The following PLD1 variants were observed in gnomAD, a reference collection of about 807,000 sequenced individuals.
PLD1 encodes the protein phospholipase D1.
PLD1 carries 112 observed loss-of-function variants against 137.1 expected under a neutral mutation model. That is an observed-to-expected ratio of 0.82 (90% CI 0.70 to 0.96). The LOEUF (loss-of-function observed/expected upper bound fraction) is 0.96, where lower values mean the gene tolerates loss of function less well. Among genes scored for constraint, PLD1 ranks in the 40% least tolerant of loss-of-function variants. The pLI is 0.00. For synonymous variants in PLD1, 431 were observed against 454.7 expected, an observed-to-expected ratio of 0.95 and a Z score of 0.66; for missense variants, 1,321 against 1,342.0, an observed-to-expected ratio of 0.98 and a Z score of 0.24.
intron 25 of PLD1, among the ~76,000 whole-genome samples, chr3:171,606,940 G>A (rs1732253419): frequency 6.6e-6 from 1 of 152,124 alleles, no homozygotes; most frequent in Non-Finnish European, 1.5e-5. Context: ...AAGAAAGGCT[G>A]TACCAAAACA....
intron 1 of PLD1, among the ~76,000 whole-genome samples, chr3:171,750,933 A>G (rs963753096): frequency 6.6e-6 from 1 of 152,214 alleles, no homozygotes; most frequent in Non-Finnish European, 1.5e-5. Flanking sequence ...CGAACCTGAA[A>G]GAAATAAAAT....
chr3:171,644,767 C>G, intron 22 of PLD1, 143 bp downstream of exon 22: 1 of 613,106 alleles, frequency 1.6e-6, no homozygotes, highest in Non-Finnish European at 3.0e-6. Context: ...AACTAGCAAA[C>G]GGGCCAAGAT....
At chr3:171,757,787 T>C (rs370513056) in intron 1 of PLD1, among the ~76,000 whole-genome samples, 11 of 152,332 alleles carry the variant, frequency 7.2e-5, no homozygotes, top group African/African-American at 2.6e-4. Flanking sequence ...GATACCTCGC[T>C]CAAACACAGG....
At chr3:171,762,979 GATTCTA>G (rs1288844866) in intron 1 of PLD1, among the ~76,000 whole-genome samples, 1 of 152,114 alleles carries the variant, frequency 6.6e-6, no homozygotes, top group Non-Finnish European at 1.5e-5. Context: ...AGTCATTTTG[GATTCTA>G]ATTCTAACTT....
intron 23 of PLD1, among the ~76,000 whole-genome samples, chr3:171,641,202 T>C (rs1301681584): frequency 6.6e-6 from 1 of 152,212 alleles, no homozygotes; most frequent in South Asian, 2.1e-4. Flanking sequence ...GATGGGTATA[T>C]GGCAAGTTAA....
chr3:171,750,589 C>T (rs973300126), intron 1 of PLD1, among the ~76,000 whole-genome samples: 7 of 151,856 alleles, frequency 4.6e-5, no homozygotes, highest in Non-Finnish European at 7.4e-5. Context: ...AAAATTACAC[C>T]GAGGTACATT....
chr3:171,653,454 A>G (rs780250695), intron 21 of PLD1: 2 of 152,216 alleles, frequency 1.3e-5, no homozygotes, highest in Non-Finnish European at 2.9e-5. Flanking sequence ...GATTCCCAGG[A>G]AGAGTCAGCT....
At chr3:171,762,782 G>C (rs928985777) in intron 1 of PLD1, among the ~76,000 whole-genome samples, 3 of 152,172 alleles carry the variant, frequency 2.0e-5, no homozygotes, top group South Asian at 2.1e-4. Flanking sequence ...ATATCTGAAG[G>C]ACTAGCAGAT....
chr3:171,723,159 C>T (rs1366465282), intron 8 of PLD1, among the ~76,000 whole-genome samples: 2 of 152,078 alleles, frequency 1.3e-5, no homozygotes, highest in Non-Finnish European at 2.9e-5. Flanking sequence ...CCTTTCCCAG[C>T]CTCTGATAAA....
At chr3:171,689,427 T>C (rs1243620047) in intron 13 of PLD1, among the ~76,000 whole-genome samples, 1 of 152,220 alleles carries the variant, frequency 6.6e-6, no homozygotes, top group African/African-American at 2.4e-5. Context: ...TATTTTCATT[T>C]ACCTTTAGGT....
rs202163040 is a variant in PLD1 at position 171,733,420 on chromosome 3, C to T, written c.606+24G>A. The T allele has an allele frequency of 2.6e-5, 25 of 947,160 alleles. No homozygotes were observed. In the East Asian group the frequency reaches 5.8e-4, roughly 22 times the overall value. 58.7% of individuals were successfully genotyped at this position (947,160 alleles called of 1,614,324 possible). A position where few individuals can be genotyped will look rare whatever the true frequency, so the allele number is the denominator to read the frequency against. On this transcript the variant is annotated intron_variant, in intron 6 of 26. Transcript: ENST00000351298. ...TTACTATAGTGAAAATTACTCCAAA[C>T]TTAAATCACTGACTAGTACTTACTG...
At chr3:171,691,769 GC>G (rs1715181770) in intron 13 of PLD1, among the ~76,000 whole-genome samples, 1 of 152,080 alleles carries the variant, frequency 6.6e-6, no homozygotes, top group Admixed American at 6.6e-5. Context: ...CATATTTTAA[GC>G]CTGCTGGAGG....
chr3:171,710,031 G>A (rs1310230482), intron 9 of PLD1, among the ~76,000 whole-genome samples: 1 of 152,096 alleles, frequency 6.6e-6, no homozygotes, highest in Admixed American at 6.6e-5. Flanking sequence ...TTAGAGAGCT[G>A]TTGGCTCCCG....
intron 20 of PLD1, 66 bp from the exon 21 acceptor site, chr3:171,659,367 A>C: frequency 1.0e-6 from 1 of 981,392 alleles, no homozygotes; most frequent in South Asian, 1.3e-5. Context: ...TAAGAACAAT[A>C]CTGTAATATA....
intron 1 of PLD1, among the ~76,000 whole-genome samples, chr3:171,777,773 C>A (rs1173721282): frequency 1.3e-5 from 2 of 152,156 alleles, no homozygotes; most frequent in Non-Finnish European, 2.9e-5. Flanking sequence ...CTCTACAAAG[C>A]ATTTTCAGGT....
intron 21 of PLD1, among the ~76,000 whole-genome samples, chr3:171,655,897 G>T (rs1383119195): frequency 6.6e-6 from 1 of 152,160 alleles, no homozygotes; most frequent in African/African-American, 2.4e-5. Flanking sequence ...ACTATTGAGA[G>T]ATCAGAGCTA....
At chr3:171,703,032 A>G (rs1716377104) in intron 11 of PLD1, among the ~76,000 whole-genome samples, 1 of 152,334 alleles carries the variant, frequency 6.6e-6, no homozygotes, top group Middle Eastern at 3.4e-3. Flanking sequence ...ATCCTAAGAT[A>G]TAAGGTTGGT....
chr3:171,618,560 T>A (rs1287028598), intron 24 of PLD1, among the ~76,000 whole-genome samples: 1 of 152,214 alleles, frequency 6.6e-6, no homozygotes, highest in East Asian at 1.9e-4. Flanking sequence ...AGATTTGCTT[T>A]TGAAGAGCAA....
chr3:171,737,423 CA>C (rs1719441727), intron 3 of PLD1, 108 bp downstream of exon 3: 1 of 1,012,510 alleles, frequency 9.9e-7, no homozygotes, highest in African/African-American at 1.6e-5. Flanking sequence ...AACAAACAAA[CA>C]AAAACCTACA....
Sources: allele counts gnomAD v4.1 joint callset (sites outside exome capture counted in the v4.1 genomes callset), GRCh38; gene constraint gnomAD v4.1.1; transcripts MANE v1.5; gene names NCBI Gene and HGNC (gene_info 2026-07-23, HGNC 2026-07-21).